Variants in ANO5 observed in about 807,000 individuals in gnomAD.
ANO5 encodes anoctamin 5.
A neutral mutation model predicts 121.0 loss-of-function variants in ANO5; 109 were observed. The observed-to-expected ratio is 0.90, with a 90% CI of 0.77 to 1.06. ANO5 has a LOEUF of 1.06. Among genes scored for constraint, ANO5 ranks in the 50% least tolerant of loss-of-function variants. The probability of loss-of-function intolerance (pLI) is 0.00; values close to 1 mark genes in which losing one functional copy is unlikely to be tolerated. For missense variants in ANO5, 1,064 were observed against 1,078.5 expected (o/e 0.99, Z 0.19); for synonymous variants, 406 against 359.9 (o/e 1.13, Z -1.45).
At chr11:22,211,609 G>A (rs2133553081) in intron 3 of ANO5, among the ~76,000 whole-genome samples, 1 of 151,960 alleles carries the variant, frequency 6.6e-6, no homozygotes, top group African/African-American at 2.4e-5. Context: ...TTATTGATAT[G>A]TTTAAGGGGT....
rs72105710 is a variant in ANO5, at chr11:22,274,548, C to CT, written c.2236-10dup. The CT allele has an allele frequency of 0.019, 22,354 of 1,154,642 alleles. 16 individuals carry two copies. Among genetic ancestry groups the CT allele is most frequent in the East Asian group, 0.043 (1,221 of 28,702 alleles). 71.5% of individuals were successfully genotyped at this position (1,154,642 alleles called of 1,614,324 possible). On this transcript the variant is annotated intron_variant, in intron 19 of 21. Transcript: ENST00000324559. ...TAAATTGGCAGCTGATGATCTTCCT[C>CT]TTTTTTTTTTTATTCTTCAGGCCTT...
At chr11:22,225,793 A>G (rs937509120) in intron 5 of ANO5, among the ~76,000 whole-genome samples, 191 bp from the exon 6 acceptor site, 2 of 152,050 alleles carry the variant, frequency 1.3e-5, no homozygotes, top group Admixed American at 1.3e-4. Context: ...GATATACTGC[A>G]TTTTTGTAGT....
chr11:22,208,253 G>A lies in ANO5; in HGVS notation c.88-3011G>A, dbSNP rs146097355. Among the ~76,000 whole-genome samples the A allele has an allele frequency of 2.9e-3, 442 of 152,154 alleles. 3 individuals carry two copies. Among genetic ancestry groups the A allele is most frequent in the African/African-American group, 0.01 (422 of 41,566 alleles). On this transcript the variant is annotated intron_variant, in intron 2 of 21. Transcript: ENST00000324559. ...ACAGATATTCACAGCAGCTTTATTT[G>A]TAGTAGCCGAAAGTGGAAACAACCT... is the stretch of plus-strand genomic sequence containing the variant.
intron 3 of ANO5, among the ~76,000 whole-genome samples, chr11:22,216,771 T>G (rs1852459858): frequency 6.6e-6 from 1 of 151,856 alleles, no homozygotes; most frequent in Non-Finnish European, 1.5e-5. Context: ...TACACCAAAG[T>G]AGGGGAGATT....
intron 19 of ANO5, among the ~76,000 whole-genome samples, chr11:22,274,245 T>C (rs1854746064): frequency 6.6e-6 from 1 of 151,860 alleles, no homozygotes; most frequent in Admixed American, 6.6e-5. Flanking sequence ...TGGTTAAAGA[T>C]AGTAGAACTG....
chr11:22,255,309 A>G, intron 12 of ANO5, 62 bp from the exon 13 acceptor site: 2 of 1,360,014 alleles, frequency 1.5e-6, no homozygotes, highest in East Asian at 2.6e-5. Flanking sequence ...AATTAAAGGG[A>G]AAAGTTGAAA....
At chr11:22,224,580 G>A (rs1006161923) in intron 5 of ANO5, among the ~76,000 whole-genome samples, 1 of 152,028 alleles carries the variant, frequency 6.6e-6, no homozygotes, top group Non-Finnish European at 1.5e-5. Context: ...TCAAATCAAA[G>A]TGGCTTAAAG....
chr11:22,282,533 G>A lies in ANO5; in HGVS notation c.*2768G>A, dbSNP rs186975013. ...GAAAGTGACGGGAAATGAGAAAGAA[G>A]AGGAGTGAGGAAACAGTTATTTCCT... On this transcript the variant is annotated 3_prime_UTR_variant, in exon 22 of 22. Transcript: ENST00000324559. 6.6e-6 allele frequency: 1 copy of A among 152,308 alleles called. No individual in the cohort carries two copies. The highest frequency in any genetic ancestry group is 1.9e-4 in the East Asian group (1 of 5,188). The allele number at this position is 152,308 out of a possible 1,614,324, so 9.4% of individuals were successfully genotyped here.
intron 15 of ANO5, 30 bp from the exon 16 acceptor site, chr11:22,262,099 T>G: frequency 6.2e-7 from 1 of 1,608,564 alleles, no homozygotes; most frequent in Non-Finnish European, 8.5e-7. Context: ...AATAAGAAGA[T>G]GCACTAAACA....
intron 7 of ANO5, among the ~76,000 whole-genome samples, chr11:22,233,295 A>G (rs1459320874): frequency 6.6e-6 from 1 of 151,804 alleles, no homozygotes; most frequent in Admixed American, 6.6e-5. Context: ...TAAGACCCTT[A>G]TTAGCTTTTT....
At position 22,280,928 on chromosome 11, in the gene ANO5, C is replaced by G. The variant is rs951440012; in HGVS notation, c.*1163C>G. 6.6e-6 allele frequency: 1 copy of G among 151,814 alleles called. No homozygotes were observed. The highest frequency in any genetic ancestry group is 2.4e-5 in the African/African-American group (1 of 41,400). The allele number at this position is 151,814 out of a possible 1,614,324, so 9.4% of individuals were successfully genotyped here. The stretch of plus-strand genomic sequence containing the variant: ...TAATAACAACTACAGTCTTGAAAAC[C>G]AAAAGTGAATCAACCAACTAAGAAT... On this transcript the variant is annotated 3_prime_UTR_variant, in exon 22 of 22. Coordinates refer to ENST00000324559, the MANE Select transcript of ANO5 (RefSeq NM_213599.3).
chr11:22,226,725 A>T (rs1852846392), intron 6 of ANO5, among the ~76,000 whole-genome samples: 1 of 152,110 alleles, frequency 6.6e-6, no homozygotes. Flanking sequence ...AAAAGAAAAG[A>T]AAAACAGAAG....
Position 22,252,029 on chromosome 11 carries a change from C to CAAA in ANO5, c.1180+1046_1180+1048dup, listed in dbSNP as rs10525160. Among the ~76,000 whole-genome samples the CAAA allele has an allele frequency of 1.7e-3, 77 of 45,860 alleles. 3 individuals are homozygous for CAAA. The highest frequency in any genetic ancestry group is 4.6e-3 in the African/African-American group (69 of 14,924). The allele number at this position is 45,860 out of a possible 152,430, so 30.1% of individuals were successfully genotyped here. A position where few individuals can be genotyped will look rare whatever the true frequency, so the allele number is the denominator to read the frequency against. The stretch of plus-strand genomic sequence containing the variant: ...TGAGAGACAGAGCAAGACGCCGTCT[C>CAAA]AAAAAAAAAAAAAAAAAAAAAAAAA... On this transcript the variant is annotated intron_variant, in intron 12 of 21. Coordinates refer to ENST00000324559, the MANE Select transcript of ANO5 (RefSeq NM_213599.3).
At chr11:22,195,740 C>T (rs1038539941) in intron 1 of ANO5, among the ~76,000 whole-genome samples, 2 of 152,076 alleles carry the variant, frequency 1.3e-5, no homozygotes, top group African/African-American at 4.8e-5. Context: ...TCACACTCCC[C>T]CATTTTAAAA....
intron 12 of ANO5, 23 bp downstream of exon 12, chr11:22,251,034 A>G (rs540151130): frequency 1.6e-5 from 26 of 1,592,914 alleles, no homozygotes; most frequent in East Asian, 1.1e-4. Flanking sequence ...TCCCATAAAG[A>G]AACAGCTTTC....
chr11:22,251,947 A>G (rs977912694), intron 12 of ANO5, among the ~76,000 whole-genome samples: 13 of 143,464 alleles, frequency 9.1e-5, no homozygotes, highest in African/African-American at 3.3e-4. Flanking sequence ...AGAGAATGGC[A>G]TGAACCCGGG....
intron 2 of ANO5, among the ~76,000 whole-genome samples, chr11:22,209,651 C>A (rs77168656): frequency 5.3e-5 from 8 of 151,846 alleles, no homozygotes; most frequent in Non-Finnish European, 1.2e-4. Context: ...ATCAAGGATT[C>A]TCGTTTTGCC....
intron 5 of ANO5, 30 bp from the exon 6 acceptor site, chr11:22,225,954 C>T (rs1188630684): frequency 2.0e-6 from 3 of 1,520,738 alleles, no homozygotes. Flanking sequence ...AAGCATTCTG[C>T]ATAATTCTGT....
At chr11:22,237,575 G>A (rs1853265798) in intron 8 of ANO5, among the ~76,000 whole-genome samples, 1 of 152,030 alleles carries the variant, frequency 6.6e-6, no homozygotes. Flanking sequence ...ATTTTTAGTA[G>A]AGACGGGGTT....
Sources: allele counts gnomAD v4.1 joint callset (sites outside exome capture counted in the v4.1 genomes callset), GRCh38; gene constraint gnomAD v4.1.1; transcripts MANE v1.5; gene names NCBI Gene and HGNC (gene_info 2026-07-23, HGNC 2026-07-21).